The following CRTAM variants were observed in gnomAD, a reference collection of about 807,000 sequenced individuals.
The protein encoded by CRTAM is cytotoxic and regulatory T-cell molecule.
Under a neutral mutation model 50.0 loss-of-function variants are expected in CRTAM, and 44 were observed. The observed-to-expected ratio is 0.88, with a 90% CI of 0.69 to 1.13. The LOEUF is 1.13. Among genes scored for constraint, CRTAM ranks in the 50% most tolerant of loss-of-function variants. The probability of loss-of-function intolerance (pLI) is 0.00; values close to 1 mark genes in which losing one functional copy is unlikely to be tolerated. For missense variants in CRTAM, 448 were observed against 457.5 expected, an observed-to-expected ratio of 0.98 and a Z score of 0.19; for synonymous variants, 159 against 169.3, an observed-to-expected ratio of 0.94 and a Z score of 0.47.
At chr11:122,840,207 G>A (rs1313344988) in intron 1 of CRTAM, among the ~76,000 whole-genome samples, 1 of 152,042 alleles carries the variant, frequency 6.6e-6, no homozygotes, top group African/African-American at 2.4e-5. Flanking sequence ...ATATAGAGAG[G>A]AAAAATATTG....
chr11:122,853,822 A>AT, intron 3 of CRTAM, 121 bp from the exon 4 acceptor site: 1 of 891,158 alleles, frequency 1.1e-6, no homozygotes, highest in South Asian at 2.9e-5. Flanking sequence ...TAAAAAAAAA[A>AT]AGAAAGCCCA....
chr11:122,841,555 CA>C (rs1014988890), intron 1 of CRTAM, among the ~76,000 whole-genome samples: 4 of 152,018 alleles, frequency 2.6e-5, no homozygotes, highest in Non-Finnish European at 4.4e-5. Context: ...CACCCGCCAC[CA>C]CTCCTGGCTA....
At chr11:122,849,247 C>G (rs1281415592) in intron 1 of CRTAM, among the ~76,000 whole-genome samples, 7 of 152,184 alleles carry the variant, frequency 4.6e-5, no homozygotes, top group African/African-American at 1.7e-4. Flanking sequence ...TAAGCTGAGG[C>G]CAGAAAGGTT....
chr11:122,863,248 A>AGAAG (rs1452997857), intron 6 of CRTAM, among the ~76,000 whole-genome samples: 21 of 143,000 alleles, frequency 1.5e-4, no homozygotes, highest in Non-Finnish European at 2.7e-4. Flanking sequence ...AAAGAAAGAA[A>AGAAG]GAGAGAAAGA....
chr11:122,871,739 A>T lies in CRTAM; in HGVS notation c.*340A>T. The T allele has an allele frequency of 6.0e-6, 1 of 165,466 alleles. No homozygotes were observed. The highest frequency in any genetic ancestry group is 2.4e-5 in the African/African-American group (1 of 42,094). The allele number at this position is 165,466 out of a possible 1,614,324, so 10.2% of individuals were successfully genotyped here. A position where few individuals can be genotyped will look rare whatever the true frequency, so the allele number is the denominator to read the frequency against. On this transcript the variant is annotated 3_prime_UTR_variant, in exon 10 of 10. Transcript: ENST00000227348. ...ACAGGATTTTTTGATGCTTTGCTCT[A>T]ATGGAACTGTTTAAAAAATTTTTTT...
At chr11:122,839,737 T>C (rs2135225352) in intron 1 of CRTAM, among the ~76,000 whole-genome samples, 1 of 152,308 alleles carries the variant, frequency 6.6e-6, no homozygotes, top group Admixed American at 6.5e-5. Context: ...TGTGTGTTTG[T>C]TACCAAATAT....
chr11:122,841,672 T>C (rs867972999), intron 1 of CRTAM, among the ~76,000 whole-genome samples: 2 of 152,284 alleles, frequency 1.3e-5, no homozygotes, highest in South Asian at 2.1e-4. Flanking sequence ...AGTGCTGGGA[T>C]TACAGGTGTG....
chr11:122,848,016 C>T (rs1198800512), intron 1 of CRTAM, among the ~76,000 whole-genome samples: 1 of 152,196 alleles, frequency 6.6e-6, no homozygotes, highest in African/African-American at 2.4e-5. Flanking sequence ...GGAGCAGCCA[C>T]AGGGCTCTGG....
Position 122,862,454 on chromosome 11 carries a change from C to T in CRTAM, c.653-10C>T, listed in dbSNP as rs1481692600. The T allele has an allele frequency of 1.9e-6, 3 of 1,599,944 alleles. No individual in the cohort carries two copies. The Admixed American group carries it at 5.0e-5, about 27-fold the overall frequency. On this transcript the variant is annotated splice_polypyrimidine_tract_variant and intron_variant, in intron 5 of 9. Coordinates refer to ENST00000227348, the MANE Select transcript of CRTAM (RefSeq NM_019604.4). Reference sequence around the variant, plus strand: ...TATAGTAGCAGAATTTTGTTTTTCCCCTTTCCTAGTTACTGATGAAGAGAC... The same window carrying T: ...TATAGTAGCAGAATTTTGTTTTTCCTCTTTCCTAGTTACTGATGAAGAGAC...
chr11:122,847,023 A>T (rs748575275), intron 1 of CRTAM, among the ~76,000 whole-genome samples: 3 of 152,222 alleles, frequency 2.0e-5, no homozygotes, highest in Non-Finnish European at 4.4e-5. Flanking sequence ...TTTTCAAATA[A>T]TTATTAAGCA....
intron 1 of CRTAM, among the ~76,000 whole-genome samples, chr11:122,849,235 T>C (rs1861901025): frequency 6.6e-6 from 1 of 152,234 alleles, no homozygotes; most frequent in African/African-American, 2.4e-5. Context: ...GATGCTCTTT[T>C]ATAAGCTGAG....
chr11:122,862,631 T>G, intron 6 of CRTAM, 87 bp downstream of exon 6: 1 of 909,330 alleles, frequency 1.1e-6, no homozygotes, highest in South Asian at 1.7e-5. Flanking sequence ...TTTAAGAATA[T>G]TTTTTGTTTT....
chr11:122,862,127 GTAGA>G (rs1862093302), intron 5 of CRTAM, among the ~76,000 whole-genome samples: 2 of 152,314 alleles, frequency 1.3e-5, no homozygotes, highest in South Asian at 4.1e-4. Context: ...CATCTAATAG[GTAGA>G]TAGATAGGTG....
intron 1 of CRTAM, among the ~76,000 whole-genome samples, chr11:122,841,131 T>C (rs567395566): frequency 6.6e-6 from 1 of 152,206 alleles, no homozygotes; most frequent in Non-Finnish European, 1.5e-5. Context: ...ATATTCCGAT[T>C]CTGACAAGTC....
intron 1 of CRTAM, among the ~76,000 whole-genome samples, chr11:122,840,566 A>G (rs1861786475): frequency 6.6e-6 from 1 of 152,210 alleles, no homozygotes; most frequent in Non-Finnish European, 1.5e-5. Context: ...ACCCGAGGGC[A>G]TCTAAGCTCA....
At chr11:122,848,718 T>TTTG (rs1407985790) in intron 1 of CRTAM, among the ~76,000 whole-genome samples, 16 of 152,324 alleles carry the variant, frequency 1.1e-4, no homozygotes, top group Admixed American at 8.5e-4. Flanking sequence ...TGGTTTCTTT[T>TTTG]TTGTTGTTGT....
chr11:122,867,358 A>G (rs76087077), intron 7 of CRTAM, 51 bp from the exon 8 acceptor site: 4 of 1,092,514 alleles, frequency 3.7e-6, no homozygotes, highest in Non-Finnish European at 4.9e-6. Context: ...CAGTGGCAAA[A>G]AAAAAAAAAA....
chr11:122,864,566 A>G, intron 6 of CRTAM, 70 bp from the exon 7 acceptor site: 1 of 1,054,036 alleles, frequency 9.5e-7, no homozygotes, highest in Non-Finnish European at 1.4e-6. Context: ...AGACTTACGT[A>G]ACTACAGTTG....
chr11:122,865,240 G>A (rs900023255), intron 7 of CRTAM, among the ~76,000 whole-genome samples: 1 of 152,058 alleles, frequency 6.6e-6, no homozygotes, highest in Non-Finnish European at 1.5e-5. Flanking sequence ...TATCCATGTT[G>A]GTCAGTCTGG....
Sources: allele counts gnomAD v4.1 joint callset (sites outside exome capture counted in the v4.1 genomes callset), GRCh38; gene constraint gnomAD v4.1.1; transcripts MANE v1.5; gene names NCBI Gene and HGNC (gene_info 2026-07-23, HGNC 2026-07-21).